Variants in CRHR2 observed in about 807,000 individuals in gnomAD.
The protein encoded by CRHR2 is corticotropin-releasing hormone receptor 2.
A neutral mutation model predicts 57.9 loss-of-function variants in CRHR2; 53 were observed. The observed-to-expected ratio is 0.92, with a 90% CI of 0.73 to 1.15. The LOEUF (loss-of-function observed/expected upper bound fraction) is 1.15, where lower values mean the gene tolerates loss of function less well. Ranked by LOEUF, CRHR2 falls within the 50% of genes most tolerant of loss-of-function variation. The pLI is 0.00. For synonymous variants in CRHR2, 213 were observed against 220.9 expected, an observed-to-expected ratio of 0.96 and a Z score of 0.32; for missense variants, 532 against 542.6, an observed-to-expected ratio of 0.98 and a Z score of 0.19.
At chr7:30,685,523 G>T (rs1457684838), upstream of CRHR2, among the ~76,000 whole-genome samples, 1 of 152,150 alleles carries the variant, frequency 6.6e-6, no homozygotes, top group South Asian at 2.1e-4. Context: ...TTCCAGAGGG[G>T]CCTGAAGGTG....
intron 1 of CRHR2, among the ~76,000 whole-genome samples, chr7:30,695,863 C>A (rs1785046166): frequency 6.6e-6 from 1 of 152,208 alleles, no homozygotes; most frequent in East Asian, 1.9e-4. Flanking sequence ...GTGAGCTCAC[C>A]TCACTTCCTC....
At chr7:30,699,413 G>A (rs550262254) in intron 1 of CRHR2, among the ~76,000 whole-genome samples, 1 of 152,214 alleles carries the variant, frequency 6.6e-6, no homozygotes, top group East Asian at 1.9e-4. Flanking sequence ...TCCAGGCACT[G>A]AGAGGAAGGA....
At chr7:30,672,198 C>A (rs1053806142) in intron 2 of CRHR2, among the ~76,000 whole-genome samples, 1 of 152,236 alleles carries the variant, frequency 6.6e-6, no homozygotes, top group Non-Finnish European at 1.5e-5. Context: ...CCAGCCCCAG[C>A]TCCTCCAGGT....
chr7:30,655,675 C>T lies in CRHR2; in HGVS notation c.958G>A (p.Gly320Ser). 1 of 1,614,110 alleles carries T rather than the reference C, an allele frequency of 6.2e-7. No homozygotes were observed. Among genetic ancestry groups the T allele is most frequent in the Non-Finnish European group, 8.5e-7 (1 of 1,179,974 alleles). The change falls in exon 10 of 12, where the codon GGC (glycine) becomes AGC (serine). Residue 320 changes from glycine (G) to serine (S), a missense_variant. Transcript: ENST00000471646. ...ACGAAGAAGAGCATGTAGGTGATGC[C>T]CAGGAGGGGCAGGAGCACCAGGGTG... ...KATLVLLPLL[G>S]ITYMLFFVNP... is the part of the protein sequence containing the mutation.
At chr7:30,666,172 C>G (rs755790056) in intron 3 of CRHR2, among the ~76,000 whole-genome samples, 2 of 151,914 alleles carry the variant, frequency 1.3e-5, no homozygotes, top group Non-Finnish European at 2.9e-5. Flanking sequence ...ATTTTTATTT[C>G]TGGACCTCAG....
chr7:30,653,685 A>G lies in CRHR2; in HGVS notation c.1096-85T>C. ...ATCCCCTCCTCTGCTTTCTGCTCTCATGGGTCGACTGCCACCCTCATGACA... is the reference window on the plus strand; with the variant it reads ...ATCCCCTCCTCTGCTTTCTGCTCTCGTGGGTCGACTGCCACCCTCATGACA... On this transcript the variant is annotated intron_variant, in intron 11 of 11. Coordinates refer to ENST00000471646, the MANE Select transcript of CRHR2 (RefSeq NM_001883.5). The surrounding 1 kb of genome is among the most constrained non-coding windows in gnomAD (Gnocchi z 5.0). The G allele has an allele frequency of 3.4e-6, 5 of 1,465,858 alleles. No individual in the cohort carries two copies. Among genetic ancestry groups the G allele is most frequent in the Non-Finnish European group, 4.5e-6 (5 of 1,107,590 alleles). 90.8% of individuals were successfully genotyped at this position (1,465,858 alleles called of 1,614,324 possible). A position where few individuals can be genotyped will look rare whatever the true frequency, so the allele number is the denominator to read the frequency against.
chr7:30,669,103 T>C (rs1302089163), intron 2 of CRHR2, among the ~76,000 whole-genome samples: 1 of 152,178 alleles, frequency 6.6e-6, no homozygotes, highest in Non-Finnish European at 1.5e-5. Flanking sequence ...GGGTTTACGG[T>C]GCCTCTGAAC....
intron 1 of CRHR2, among the ~76,000 whole-genome samples, chr7:30,694,749 A>G (rs574833756): frequency 4.2e-4 from 63 of 151,686 alleles, no homozygotes; most frequent in Middle Eastern, 3.4e-3. Flanking sequence ...CTTAGGGAGC[A>G]CAGAGTTAGA....
chr7:30,686,442 C>G (rs867896888), upstream of CRHR2: 16 of 1,532,958 alleles, frequency 1.0e-5, no homozygotes, highest in Non-Finnish European at 1.4e-5. Flanking sequence ...CCAAGGCTCT[C>G]TTCCCATTTG....
intron 1 of CRHR2, among the ~76,000 whole-genome samples, chr7:30,699,387 C>G (rs1379751736): frequency 1.3e-5 from 2 of 152,130 alleles, no homozygotes; most frequent in East Asian, 1.9e-4. Flanking sequence ...TCATCTGGTA[C>G]TGGGGGCTGC....
Position 30,665,274 on chromosome 7 carries a change from G to C in CRHR2, c.426-87C>G. 1 of 1,196,900 alleles carries C rather than the reference G, an allele frequency of 8.4e-7. No individual in the cohort carries two copies. Among genetic ancestry groups the C allele is most frequent in the East Asian group, 2.4e-5 (1 of 42,052 alleles). 74.1% of individuals were successfully genotyped at this position (1,196,900 alleles called of 1,614,324 possible). A position where few individuals can be genotyped will look rare whatever the true frequency, so the allele number is the denominator to read the frequency against. On this transcript the variant is annotated intron_variant, in intron 4 of 11. Transcript: ENST00000471646. The surrounding 1 kb of genome is among the most constrained non-coding windows in gnomAD (Gnocchi z 4.5). ...CTGAGGCCAGGTAGAGACTCAGCCT[G>C]GGATGAGGGCAGGGCTGCACTAGGA... is the stretch of plus-strand genomic sequence containing the variant.
intron 9 of CRHR2, 76 bp from the exon 10 acceptor site, chr7:30,655,791 T>C: frequency 1.9e-6 from 3 of 1,589,614 alleles, no homozygotes; most frequent in Non-Finnish European, 2.6e-6. Context: ...CGGGAGACAG[T>C]GGTGGTGTTT....
chr7:30,660,551 C>A, intron 8 of CRHR2, 22 bp downstream of exon 8: 1 of 1,554,240 alleles, frequency 6.4e-7, no homozygotes, highest in East Asian at 2.4e-5. Context: ...CAGCCCCATC[C>A]CAGCCACCGC....
intron 2 of CRHR2, among the ~76,000 whole-genome samples, chr7:30,687,693 A>G (rs1243559035): frequency 6.6e-6 from 1 of 152,214 alleles, no homozygotes; most frequent in Non-Finnish European, 1.5e-5. Flanking sequence ...CTGGGACCCT[A>G]TCCGCTGCAC....
chr7:30,678,510 C>G (rs1246270236), intron 2 of CRHR2, among the ~76,000 whole-genome samples: 1 of 152,176 alleles, frequency 6.6e-6, no homozygotes, highest in Non-Finnish European at 1.5e-5. Context: ...CTTCCCTTGG[C>G]CCTGCTGCAT....
intron 8 of CRHR2, among the ~76,000 whole-genome samples, chr7:30,660,130 C>T (rs1030910993): frequency 5.3e-5 from 8 of 152,196 alleles, no homozygotes; most frequent in African/African-American, 1.4e-4. Flanking sequence ...TGCTGCATCC[C>T]GGTATTCACC....
Position 30,656,370 on chromosome 7 carries a change from C to T in CRHR2, c.832-358G>A, listed in dbSNP as rs139425073. ...GGGAGCCCCCTTCCCCTCACTGCCA[C>T]GGGGTCCCTACTTGTTGACTGCGGG... On this transcript the variant is annotated intron_variant, in intron 8 of 11. Coordinates refer to ENST00000471646, the MANE Select transcript of CRHR2 (RefSeq NM_001883.5). This position sits in a 1 kb window ranked among gnomAD's most constrained non-coding sequence, Gnocchi z 4.4. 7.0e-3 allele frequency among the ~76,000 whole-genome samples: 1,063 copies of T among 152,304 alleles called. 12 individuals are homozygous for T. The highest frequency in any genetic ancestry group is 9.7e-3 in the South Asian group (47 of 4,824).
intron 7 of CRHR2, 82 bp downstream of exon 7, chr7:30,662,074 C>T: frequency 6.8e-7 from 1 of 1,474,020 alleles, no homozygotes; most frequent in Non-Finnish European, 9.4e-7. Context: ...TGCTCCACGG[C>T]TTGGCCAGAG....
chr7:30,666,812 C>A (rs1463801639), intron 3 of CRHR2, among the ~76,000 whole-genome samples: 1 of 152,244 alleles, frequency 6.6e-6, no homozygotes, highest in East Asian at 1.9e-4. Context: ...CAGGACCCAG[C>A]TTCTCATGGG....
Sources: gnomAD v4.1 joint callset for allele counts (sites outside exome capture counted in the v4.1 genomes callset) on GRCh38, gnomAD v4.1.1 for gene constraint, Gnocchi (gnomAD v3.1) non-coding constraint, MANE v1.5 for transcripts, NCBI Gene and HGNC (gene_info 2026-07-23, HGNC 2026-07-21) for gene names.